The following KLHL15 variants were observed in gnomAD, a reference collection of about 807,000 sequenced individuals.
The protein encoded by KLHL15 is kelch like family member 15, also known as kelch-like protein 15.
In KLHL15, 1 loss-of-function variant was observed where a neutral mutation model predicts 29.3. That is an observed-to-expected ratio of 0.03 (90% CI 0.01 to 0.16). The LOEUF is 0.16. Ranked by LOEUF, KLHL15 falls within the 10% of genes least tolerant of loss-of-function variation. KLHL15 has a pLI of 1.00. For synonymous variants in KLHL15, 212 were observed against 184.5 expected (o/e 1.15, Z -1.21); for missense variants, 215 against 478.5 (o/e 0.45, Z 5.14).
intron 3 of KLHL15, among the ~76,000 whole-genome samples, chrX:24,001,924 G>A (rs956481246): frequency 1.8e-5 from 2 of 108,176 alleles, no homozygotes; most frequent in African/African-American, 6.7e-5. Context: ...ACAAGGTCAG[G>A]AGATCGAGAC....
At chrX:24,026,998 A>G (rs1929945492) in intron 1 of KLHL15, 142 bp downstream of exon 1, 1 of 112,371 alleles carries the variant, frequency 8.9e-6, no homozygotes, top group Non-Finnish European at 1.9e-5. Flanking sequence ...AAATTAAATC[A>G]TAAAATAAAC....
At chrX:24,008,966 T>A (rs10126904) in intron 2 of KLHL15, among the ~76,000 whole-genome samples, 44,638 of 108,868 alleles carry the variant, frequency 0.41, 7,914 homozygotes, top group South Asian at 0.76. Flanking sequence ...TCTTTTTCTA[T>A]AACTTGGCCT....
At chrX:23,990,841 T>C (rs1249872353) in intron 3 of KLHL15, among the ~76,000 whole-genome samples, 1 of 110,755 alleles carries the variant, frequency 9.0e-6, no homozygotes, top group African/African-American at 3.3e-5. Flanking sequence ...CACTAATTCC[T>C]TGCCTTAGTC....
intron 2 of KLHL15, among the ~76,000 whole-genome samples, chrX:24,014,247 G>C (rs1308865698): frequency 1.8e-5 from 2 of 111,656 alleles, no homozygotes; most frequent in East Asian, 5.6e-4. Flanking sequence ...AACTCTGAAA[G>C]AAAAGATTTA....
chrX:24,000,734 A>G (rs1171746672), intron 3 of KLHL15, among the ~76,000 whole-genome samples: 1 of 112,047 alleles, frequency 8.9e-6, no homozygotes. Context: ...TGCATTGGTC[A>G]AGTGCTGGAT....
chrX:23,984,531 CATTTT>C lies in KLHL15; in HGVS notation c.*3385_*3389del, dbSNP rs1928952227. 1.8e-5 allele frequency: 2 copies of C among 112,099 alleles called. No homozygotes were observed. Among genetic ancestry groups the C allele is most frequent in the African/African-American group, 6.5e-5 (2 of 30,949 alleles). The allele number at this position is 112,099 out of a possible 1,213,427, so 9.2% of individuals were successfully genotyped here. A position where few individuals can be genotyped will look rare whatever the true frequency, so the allele number is the denominator to read the frequency against. On this transcript the variant is annotated 3_prime_UTR_variant, in exon 4 of 4. Transcript: ENST00000328046. ...CTGATTTACACTATTATCTATGTTGCATTTTACTTCAGTCTAAAACTTTAAATTAT... is the reference window on the plus strand; with the variant it reads ...CTGATTTACACTATTATCTATGTTGCACTTCAGTCTAAAACTTTAAATTAT...
In KLHL15 at chrX:23,988,911, G is replaced by C. The variant is rs1262129861; in HGVS notation, c.825C>G (p.Ile275Met). 1.7e-6 allele frequency: 2 copies of C among 1,211,668 alleles called. No individual in the cohort carries two copies. The highest frequency in any genetic ancestry group is 2.2e-6 in the Non-Finnish European group (2 of 895,506). The change falls in exon 4 of 4, where the codon ATC (isoleucine) becomes ATG (methionine). Residue 275 changes from isoleucine to methionine, a missense_variant. Physicochemically the swap from Ile to Met is conservative, Grantham distance 10. Transcript: ENST00000328046. ...QPLLDMKSSR[I>M]RSAKPQTTVF... is the part of the protein sequence containing the mutation. ...CTGTAGTTTGCGGTTTTGCAGAACG[G>C]ATGCGGCTTGACTTCATATCCAACA...
At chrX:24,016,339 CAAAAAAAAAAAAAAA>C (rs755683770) in intron 2 of KLHL15, among the ~76,000 whole-genome samples, 5 of 21,691 alleles carry the variant, frequency 2.3e-4, no homozygotes, top group East Asian at 1.8e-3. Flanking sequence ...GACTCTGTCT[CAAAAAAAAAAAAAAA>C]AAAAAAAAAA....
At chrX:23,993,477 T>C (rs1434209396) in intron 3 of KLHL15, among the ~76,000 whole-genome samples, 1 of 111,411 alleles carries the variant, frequency 9.0e-6, no homozygotes, top group Non-Finnish European at 1.9e-5. Context: ...AGAGAACCTA[T>C]GACTTCAGCA....
intron 3 of KLHL15, 58 bp from the exon 4 acceptor site, chrX:23,989,088 T>C: frequency 3.0e-6 from 3 of 996,151 alleles, no homozygotes; most frequent in Non-Finnish European, 4.1e-6. Context: ...GCAAACAAAT[T>C]ATCAAAGCTG....
intron 3 of KLHL15, among the ~76,000 whole-genome samples, chrX:24,005,660 G>T (rs1929432072): frequency 8.9e-6 from 1 of 111,888 alleles, no homozygotes; most frequent in South Asian, 3.7e-4. Context: ...TTTAATTGAT[G>T]AAATGAAAAG....
chrX:23,988,464 G>A lies in KLHL15; in HGVS notation c.1272C>T (p.Leu424=). The A allele has an allele frequency of 8.3e-7, 1 of 1,211,052 alleles. No individual in the cohort carries two copies. The highest frequency in any genetic ancestry group is 1.1e-6 in the Non-Finnish European group (1 of 895,095). The change falls in exon 4 of 4, where the codon CTC becomes CTT. Residue 424 remains leucine, a synonymous_variant. Transcript: ENST00000328046. ...VNKYGHEGTV[L]NNKLFITGGI... is the part of the protein sequence containing the mutation. ...CACCGGTGATAAACAATTTGTTATT[G>A]AGCACTGTCCCCTCATGTCCATATT...
intron 2 of KLHL15, among the ~76,000 whole-genome samples, chrX:24,011,859 G>A (rs986362997): frequency 2.7e-5 from 3 of 111,492 alleles, no homozygotes; most frequent in Admixed American, 9.5e-5. Flanking sequence ...CATTAAAAAC[G>A]GTAGAGTAGG....
At chrX:24,000,470 A>C (rs1490796344) in intron 3 of KLHL15, among the ~76,000 whole-genome samples, 1 of 106,206 alleles carries the variant, frequency 9.4e-6, no homozygotes. Flanking sequence ...CTCAAAATAA[A>C]TAAATAAATA....
rs1446678687 is a variant in KLHL15 at position 24,024,946 on chromosome X, G to C, written c.-97C>G. On this transcript the variant is annotated 5_prime_UTR_variant, in exon 2 of 4. Coordinates refer to ENST00000328046, the MANE Select transcript of KLHL15 (RefSeq NM_030624.3). ...GCCGATGGGTGGGCGGTCGGGCGCC[G>C]GGACGGCACTCGGCAGGCTCCTCGG... 2.0e-5 allele frequency: 6 copies of C among 298,104 alleles called. No individual in the cohort carries two copies. Among genetic ancestry groups the C allele is most frequent in the Non-Finnish European group, 2.9e-5 (5 of 170,261 alleles). The allele number at this position is 298,104 out of a possible 1,213,427, so 24.6% of individuals were successfully genotyped here. A position where few individuals can be genotyped will look rare whatever the true frequency, so the allele number is the denominator to read the frequency against.
chrX:24,005,891 T>C (rs976229375), intron 3 of KLHL15, 98 bp downstream of exon 3: 30 of 590,344 alleles, frequency 5.1e-5, no homozygotes, highest in Middle Eastern at 1.1e-3. Flanking sequence ...AATGAAGTTA[T>C]TCATTCTTGG....
intron 3 of KLHL15, among the ~76,000 whole-genome samples, chrX:23,991,165 C>T (rs1281551361): frequency 9.2e-6 from 1 of 108,808 alleles, no homozygotes; most frequent in Non-Finnish European, 1.9e-5. Flanking sequence ...CCAGCCTAGC[C>T]AACATGGTGA....
At chrX:24,015,130 C>T (rs912013829) in intron 2 of KLHL15, among the ~76,000 whole-genome samples, 1 of 111,980 alleles carries the variant, frequency 8.9e-6, no homozygotes, top group African/African-American at 3.2e-5. Context: ...GTTGATTTTT[C>T]CTACTTATAA....
At chrX:24,025,718 C>T (rs1200870060) in intron 1 of KLHL15, among the ~76,000 whole-genome samples, 2 of 15,688 alleles carry the variant, frequency 1.3e-4, no homozygotes, top group Non-Finnish European at 2.4e-4. Context: ...GGTGTGGGAA[C>T]GGGGGGGAAG....
Sources: gnomAD v4.1 joint callset for allele counts (sites outside exome capture counted in the v4.1 genomes callset) on GRCh38, gnomAD v4.1.1 for gene constraint, MANE v1.5 for transcripts, NCBI Gene and HGNC (gene_info 2026-07-23, HGNC 2026-07-21) for gene names.